MFSD11: variants seen among roughly 807,000 people sequenced by gnomAD.
The protein encoded by MFSD11 is major facilitator superfamily domain containing 11.
Under a neutral mutation model 53.5 loss-of-function variants are expected in MFSD11, and 36 were observed. The ratio of observed to expected loss-of-function variants is 0.67; its 90% CI spans 0.52 to 0.89. MFSD11 has a LOEUF of 0.89. Among genes scored for constraint, MFSD11 ranks in the 40% least tolerant of loss-of-function variants. The pLI is 0.00. For missense variants in MFSD11, 530 were observed against 543.9 expected, an observed-to-expected ratio of 0.97 and a Z score of 0.25; for synonymous variants, 186 against 184.9, an observed-to-expected ratio of 1.01 and a Z score of -0.05.
At chr17:76,769,052 T>A (rs1407551259) in intron 9 of MFSD11, 1 of 152,146 alleles carries the variant, frequency 6.6e-6, no homozygotes, top group Non-Finnish European at 1.5e-5. Context: ...AATGAGCATG[T>A]TAGTCTTCAC....
chr17:76,750,609 G>C (rs912425873), intron 7 of MFSD11, among the ~76,000 whole-genome samples: 8 of 152,088 alleles, frequency 5.3e-5, no homozygotes, highest in African/African-American at 1.9e-4. Context: ...GCCCACCTCA[G>C]CCTCCCAAAG....
intron 7 of MFSD11, among the ~76,000 whole-genome samples, chr17:76,752,102 A>G (rs1598574462): frequency 6.6e-6 from 1 of 152,232 alleles, no homozygotes; most frequent in African/African-American, 2.4e-5. Flanking sequence ...CAGATTAATG[A>G]AAGCAAATGG....
chr17:76,739,216 C>T (rs2077803339), intron 2 of MFSD11, among the ~76,000 whole-genome samples: 1 of 152,152 alleles, frequency 6.6e-6, no homozygotes, highest in Non-Finnish European at 1.5e-5. Context: ...GTATTTATTG[C>T]ATTGTTATCT....
chr17:76,760,165 G>A lies in MFSD11; in HGVS notation c.682+6078G>A, dbSNP rs1485945401. ...CGCCTATAATCCCAGCTCCTCGGGA[G>A]GCTGAGGCAGGAGAATTGCTTGAAC... On this transcript the variant is annotated intron_variant, in intron 8 of 12. Coordinates refer to ENST00000685175, the MANE Select transcript of MFSD11 (RefSeq NM_001242532.5). Among the ~76,000 whole-genome samples the A allele has an allele frequency of 1.3e-5, 2 of 151,648 alleles. 1 individual carries two copies. The highest frequency in any genetic ancestry group is 4.0e-4 in the East Asian group (2 of 5,044).
the MFSD11 span, among the ~76,000 whole-genome samples, chr17:76,802,770 C>T: frequency 3.9e-5 from 6 of 152,054 alleles, no homozygotes; most frequent in Admixed American, 6.6e-5. Context: ...TCCCAGCTAC[C>T]GCATGAGTAC....
chr17:76,775,099 T>A lies in MFSD11; in HGVS notation c.977T>A (p.Phe326Tyr), dbSNP rs747517500. Residue 326 changes from phenylalanine (F) to tyrosine (Y), a missense_variant, in exon 11 of 13, where the codon TTT becomes TAT. Physicochemically the swap from Phe to Tyr is conservative, Grantham distance 22. Coordinates refer to ENST00000685175, the MANE Select transcript of MFSD11 (RefSeq NM_001242532.5). Reference protein sequence around the residue: ...LVHFIAFYLIFLNMPGDAPIA... With the variant: ...LVHFIAFYLIYLNMPGDAPIA... ...CACTTCATAGCTTTTTATCTAATAT[T>A]TCTCAACATGCCTGGAGATGCCCCG... is the stretch of plus-strand genomic sequence containing the variant. The A allele has an allele frequency of 1.9e-6, 3 of 1,613,970 alleles. No homozygotes were observed. Among genetic ancestry groups the A allele is most frequent in the Non-Finnish European group, 2.5e-6 (3 of 1,179,962 alleles).
At chr17:76,757,296 A>G (rs959079505) in intron 8 of MFSD11, among the ~76,000 whole-genome samples, 1 of 152,218 alleles carries the variant, frequency 6.6e-6, no homozygotes, top group Non-Finnish European at 1.5e-5. Flanking sequence ...TTGATTTATC[A>G]TAGGATATTG....
chr17:76,740,826 C>T (rs753352002), intron 2 of MFSD11, 131 bp from the exon 3 acceptor site: 6 of 617,482 alleles, frequency 9.7e-6, no homozygotes, highest in Non-Finnish European at 1.4e-5. Context: ...ATATAACTAT[C>T]ATAAATTCTG....
At chr17:76,752,247 T>C (rs62086788) in intron 7 of MFSD11, among the ~76,000 whole-genome samples, 7,422 of 152,212 alleles carry the variant, frequency 0.049, 242 homozygotes, top group South Asian at 0.081. Flanking sequence ...AAATGAGGCA[T>C]AGGATGTACA....
chr17:76,755,797 TA>T (rs1568075994), intron 8 of MFSD11, among the ~76,000 whole-genome samples: 6 of 23,662 alleles, frequency 2.5e-4, no homozygotes, highest in Non-Finnish European at 5.1e-4. Flanking sequence ...TATACATATA[TA>T]TATATATATA....
chr17:76,758,702 G>C (rs1443716596), intron 8 of MFSD11, among the ~76,000 whole-genome samples: 3 of 150,734 alleles, frequency 2.0e-5, no homozygotes, highest in Non-Finnish European at 4.4e-5. Flanking sequence ...ATGTGATAAA[G>C]AGCTGTTATG....
At chr17:76,758,270 A>G (rs1216880354) in intron 8 of MFSD11, among the ~76,000 whole-genome samples, 1 of 151,680 alleles carries the variant, frequency 6.6e-6, no homozygotes, top group African/African-American at 2.4e-5. Flanking sequence ...AAGGTTAAAT[A>G]TAAAAATGAA....
downstream of MFSD11, among the ~76,000 whole-genome samples, chr17:76,781,801 A>G (rs1354088235): frequency 2.6e-5 from 4 of 152,032 alleles, no homozygotes; most frequent in Non-Finnish European, 5.9e-5. Flanking sequence ...GCTTTGTGCT[A>G]TGGTATTCAT....
chr17:76,758,273 A>C (rs1342888986), intron 8 of MFSD11, among the ~76,000 whole-genome samples: 4 of 151,308 alleles, frequency 2.6e-5, no homozygotes, highest in Non-Finnish European at 5.9e-5. Context: ...GTTAAATATA[A>C]AAATGAAACT....
chr17:76,794,702 TTTTG>T, the MFSD11 span, among the ~76,000 whole-genome samples: 599 of 5,124 alleles, frequency 0.12, 61 homozygotes, highest in African/African-American at 0.16. Flanking sequence ...TTTTTTTTTT[TTTTG>T]TTTTGAGATG....
chr17:76,737,737 G>A (rs546209079), upstream of MFSD11: 31 of 164,534 alleles, frequency 1.9e-4, no homozygotes, highest in South Asian at 5.3e-3. Context: ...GCCCTCATTT[G>A]CCTCTCCCTG....
chr17:76,755,975 C>T (rs1215147943), intron 8 of MFSD11, among the ~76,000 whole-genome samples: 1 of 150,178 alleles, frequency 6.7e-6, no homozygotes, highest in Non-Finnish European at 1.5e-5. Flanking sequence ...TGGCATGTGC[C>T]ACCACACCTG....
At chr17:76,782,524 G>A (rs2082192567), downstream of MFSD11, among the ~76,000 whole-genome samples, 2 of 130,866 alleles carry the variant, frequency 1.5e-5, no homozygotes, top group South Asian at 2.5e-4. Context: ...TGTCACCCAG[G>A]CTATAATGCA....
chr17:76,770,071 G>A (rs1429278422), intron 10 of MFSD11, among the ~76,000 whole-genome samples, 200 bp downstream of exon 10: 3 of 137,004 alleles, frequency 2.2e-5, no homozygotes, highest in Non-Finnish European at 4.5e-5. Flanking sequence ...TCGCTCTGTC[G>A]CCGAGGCTAG....
Sources: allele counts gnomAD v4.1 joint callset (sites outside exome capture counted in the v4.1 genomes callset), GRCh38; gene constraint gnomAD v4.1.1; transcripts MANE v1.5; gene names NCBI Gene and HGNC (gene_info 2026-07-23, HGNC 2026-07-21).